EXOC3: variants seen among roughly 807,000 people sequenced by gnomAD.
EXOC3 encodes the protein exocyst complex component 3, also known as SEC6-like 1.
Under a neutral mutation model 73.7 loss-of-function variants are expected in EXOC3, and 21 were observed. The observed-to-expected ratio is 0.29, with a 90% CI of 0.20 to 0.41. EXOC3 has a LOEUF of 0.41. Ranked by LOEUF, EXOC3 falls within the 10% of genes least tolerant of loss-of-function variation. The pLI is 1.00. For missense variants in EXOC3, 842 were observed against 985.1 expected (o/e 0.85, Z 1.95); for synonymous variants, 410 against 389.1 (o/e 1.05, Z -0.63).
At chr5:460,444 C>G (rs1737950437) in intron 7 of EXOC3, among the ~76,000 whole-genome samples, 2 of 152,346 alleles carry the variant, frequency 1.3e-5, no homozygotes, top group South Asian at 4.1e-4. Context: ...TAGGTCCTGT[C>G]CTGGTGGCTT....
rs980838661 is a variant in EXOC3, at chr5:466,773, C to T, written c.2113C>T (p.Arg705Cys). Residue 705 changes from arginine to cysteine, a missense_variant, in exon 13 of 13, where the codon CGT becomes TGT. By Grantham distance (180) the Arg-to-Cys change is radical. Transcript: ENST00000512944. Reference protein sequence around the residue: ...ALLAVRGDASRDMKQTIMETL... With the variant: ...ALLAVRGDASCDMKQTIMETL... ...GCTGGCTGTGCGTGGGGACGCCAGC[C>T]GTGACATGAAGCAGACCATCATGGA... 1.9e-6 allele frequency: 3 copies of T among 1,613,146 alleles called. No individual in the cohort carries two copies. Among genetic ancestry groups the T allele is most frequent in the African/African-American group, 1.3e-5 (1 of 74,904 alleles).
In EXOC3 at chr5:453,762, G is replaced by C. The variant is rs2126578074; in HGVS notation, c.757G>C (p.Glu253Gln). The change falls in exon 4 of 13, where the codon GAG (glutamate) becomes CAG (glutamine). Residue 253 changes from glutamate (E) to glutamine (Q), a missense_variant. Physicochemically the swap from Glu to Gln is conservative, Grantham distance 29. Coordinates refer to ENST00000512944, the MANE Select transcript of EXOC3 (RefSeq NM_007277.5). ...GAAGGAGAAAATGTTCACCATCTTGGAGAGGACTGTGACCACCAGAATTGA... is the reference window on the plus strand; with the variant it reads ...GAAGGAGAAAATGTTCACCATCTTGCAGAGGACTGTGACCACCAGAATTGA... ...NWKEKMFTILERTVTTRIEGT... is the reference protein window; with the variant it reads ...NWKEKMFTILQRTVTTRIEGT... The C allele has an allele frequency of 6.2e-7, 1 of 1,613,964 alleles. No homozygotes were observed. Among genetic ancestry groups the C allele is most frequent in the South Asian group, 1.1e-5 (1 of 91,088 alleles).
chr5:456,329 T>C (rs575294918), intron 4 of EXOC3, among the ~76,000 whole-genome samples: 13 of 152,374 alleles, frequency 8.5e-5, no homozygotes, highest in African/African-American at 3.1e-4. Flanking sequence ...TATTTTTTAT[T>C]GTTGTTTTTC....
At chr5:462,609 T>A in intron 9 of EXOC3, 1 of 376,552 alleles carries the variant, frequency 2.7e-6, no homozygotes, top group South Asian at 4.2e-5. Flanking sequence ...AAAGTCAAAT[T>A]GAGAGTGCAC....
Position 447,527 on chromosome 5 carries a change from C to T in EXOC3, c.145-6C>T, listed in dbSNP as rs567319264. ...CTCTGCTCACCCGTGTGGCGTCTCT[C>T]TTTAGGCCGCCATCCAGTCACAGTT... On this transcript the variant is annotated splice_polypyrimidine_tract_variant and splice_region_variant and intron_variant, in intron 2 of 12. Transcript: ENST00000512944. 4.2e-5 allele frequency: 65 copies of T among 1,548,256 alleles called. No individual in the cohort carries two copies. Among genetic ancestry groups the T allele is most frequent in the Non-Finnish European group, 5.2e-5 (60 of 1,143,232 alleles).
chr5:453,458 C>T lies in EXOC3; in HGVS notation c.453C>T (p.Ser151=), dbSNP rs751595710. The change falls in exon 4 of 13, where the codon TCC becomes TCT. Residue 151 remains serine (S), a synonymous_variant. Transcript: ENST00000512944. ...AHRKLMDLEC[S]RDGLMYEQYR... is the part of the protein sequence containing the mutation. ...GGAAGCTGATGGACCTGGAGTGCTC[C>T]CGGGACGGGCTGATGTACGAGCAGT... 1.6e-5 allele frequency: 26 copies of T among 1,612,706 alleles called. No homozygotes were observed. The highest frequency in any genetic ancestry group is 2.0e-5 in the Non-Finnish European group (24 of 1,179,382).
In EXOC3 at chr5:466,243, G is replaced by A. The variant is rs751114198; in HGVS notation, c.2066+398G>A. ...GTGCAGCTTGGACCAGACACCTTCC[G>A]AGGACGTGATTACAGGGAGTCCCCA... is the stretch of plus-strand genomic sequence containing the variant. On this transcript the variant is annotated intron_variant, in intron 12 of 12. Transcript: ENST00000512944. 24 of 256,174 alleles carry A rather than the reference G, an allele frequency of 9.4e-5. 1 individual carries two copies. The highest frequency in any genetic ancestry group is 6.9e-4 in the South Asian group (12 of 17,458). 15.9% of individuals were successfully genotyped at this position (256,174 alleles called of 1,614,324 possible). A position where few individuals can be genotyped will look rare whatever the true frequency, so the allele number is the denominator to read the frequency against.
In EXOC3 at chr5:457,893, T is replaced by C. The variant is rs944418651; in HGVS notation, c.1165-7T>C. ...TTCTCTTCTCCATGATGCTGAACTT[T>C]CTTTAGTCAAACATCATCGCCTGGC... On this transcript the variant is annotated splice_region_variant and splice_polypyrimidine_tract_variant and intron_variant, in intron 5 of 12. Coordinates refer to ENST00000512944, the MANE Select transcript of EXOC3 (RefSeq NM_007277.5). 3.7e-6 allele frequency: 6 copies of C among 1,601,664 alleles called. No homozygotes were observed. Among genetic ancestry groups the C allele is most frequent in the Non-Finnish European group, 5.1e-6 (6 of 1,173,488 alleles).
chr5:459,221 G>T, intron 6 of EXOC3, 138 bp from the exon 7 acceptor site: 3 of 346,604 alleles, frequency 8.7e-6, no homozygotes, highest in Non-Finnish European at 1.4e-5. Flanking sequence ...TTTTCACGTG[G>T]TTTCATTTTT....
At position 459,362 on chromosome 5, in the gene EXOC3, T is replaced by G; in HGVS notation, c.1294T>G (p.Phe432Val). ...TCATAAGTTCTCTGATTTTTAGATG[T>G]TTGAACAGAATCTTCAAGTTGCTGC... ...TTLPAIVFQM[F>V]EQNLQVAAQI... The change falls in exon 7 of 13, where the codon TTT becomes GTT. Residue 432 changes from phenylalanine (F) to valine (V), a missense_variant. Phe to Val is a conservative substitution (Grantham distance 50). Coordinates refer to ENST00000512944, the MANE Select transcript of EXOC3 (RefSeq NM_007277.5). The G allele has an allele frequency of 6.5e-7, 1 of 1,533,240 alleles. No homozygotes were observed. Among genetic ancestry groups the G allele is most frequent in the Non-Finnish European group, 8.9e-7 (1 of 1,125,542 alleles). The allele number at this position is 1,533,240 out of a possible 1,614,324, so 95.0% of individuals were successfully genotyped here. A position where few individuals can be genotyped will look rare whatever the true frequency, so the allele number is the denominator to read the frequency against.
At chr5:445,908 A>G (rs1432896417) in intron 1 of EXOC3, among the ~76,000 whole-genome samples, 2 of 152,128 alleles carry the variant, frequency 1.3e-5, no homozygotes, top group African/African-American at 2.4e-5. Context: ...AATCTTCGCA[A>G]TGTCCATGTC....
At chr5:446,501 C>T (rs1048406408) in intron 2 of EXOC3, among the ~76,000 whole-genome samples, 152 bp downstream of exon 2, 3 of 152,176 alleles carry the variant, frequency 2.0e-5, no homozygotes, top group African/African-American at 7.2e-5. Flanking sequence ...CAGTGTATTA[C>T]CACTCAGTAG....
chr5:465,370 G>T lies in EXOC3; in HGVS notation c.1938+98G>T. ...TCGGGCCAGTAGATGGGAGTGTGTC[G>T]TGTGTTTGTCAGGCGGGGGGAGCCT... is the stretch of plus-strand genomic sequence containing the variant. On this transcript the variant is annotated intron_variant, in intron 11 of 12. Transcript: ENST00000512944. 2.2e-6 allele frequency: 3 copies of T among 1,366,880 alleles called. No individual in the cohort carries two copies. In the Admixed American group the frequency reaches 6.8e-5, roughly 31 times the overall value. The allele number at this position is 1,366,880 out of a possible 1,614,324, so 84.7% of individuals were successfully genotyped here.
rs377267756 is a variant in EXOC3, at chr5:466,956, G to T, written c.*58G>T. On this transcript the variant is annotated 3_prime_UTR_variant, in exon 13 of 13. Transcript: ENST00000512944. ...AGCCTCGGTCCCTGCCTTTAGAAAC[G>T]CGGGACAGCTGATTGCTCTCCTTGG... 4 of 1,485,392 alleles carry T rather than the reference G, an allele frequency of 2.7e-6. No homozygotes were observed. Among genetic ancestry groups the T allele is most frequent in the South Asian group, 1.3e-5 (1 of 79,756 alleles). The allele number at this position is 1,485,392 out of a possible 1,614,324, so 92.0% of individuals were successfully genotyped here.
intron 3 of EXOC3, among the ~76,000 whole-genome samples, chr5:451,701 A>G (rs1737663600): frequency 6.6e-6 from 1 of 152,178 alleles, no homozygotes; most frequent in Non-Finnish European, 1.5e-5. Context: ...TTTCTTCTCA[A>G]CCAGTGGGAC....
rs1198219164 is a variant in EXOC3, at chr5:456,927, T to C, written c.1085T>C (p.Val362Ala). Reference sequence around the variant, plus strand: ...AGGAACGTGGAGCTGGCCCCGGAAGTGGATGTCGGCACCCTGGAGCCATTG... The same window carrying C: ...AGGAACGTGGAGCTGGCCCCGGAAGCGGATGTCGGCACCCTGGAGCCATTG... ...MMRNVELAPE[V>A]DVGTLEPLLS... Residue 362 changes from valine (V) to alanine (A), a missense_variant, in exon 5 of 13, where the codon GTG (valine) becomes GCG (alanine). Coordinates refer to ENST00000512944, the MANE Select transcript of EXOC3 (RefSeq NM_007277.5). 2 of 1,614,050 alleles carry C rather than the reference T, an allele frequency of 1.2e-6. No individual in the cohort carries two copies. Among genetic ancestry groups the C allele is most frequent in the Admixed American group, 3.3e-5 (2 of 60,032 alleles).
At chr5:465,012 C>T in intron 10 of EXOC3, 99 bp from the exon 11 acceptor site, 3 of 1,304,028 alleles carry the variant, frequency 2.3e-6, no homozygotes, top group African/African-American at 1.5e-5. Flanking sequence ...GGCTCAGAGC[C>T]TCCGGGGAGC....
intron 7 of EXOC3, 193 bp from the exon 8 acceptor site, chr5:461,765 TTG>T: frequency 1.7e-6 from 1 of 572,698 alleles, no homozygotes; most frequent in Non-Finnish European, 3.1e-6. Context: ...AAGTTATTTT[TTG>T]ATCCATTTAA....
intron 9 of EXOC3, among the ~76,000 whole-genome samples, chr5:463,108 A>C (rs1440133310): frequency 1.3e-5 from 2 of 152,106 alleles, no homozygotes; most frequent in Non-Finnish European, 2.9e-5. Flanking sequence ...CCATTTCAAA[A>C]CAACAACAAC....
Sources: allele counts gnomAD v4.1 joint callset (sites outside exome capture counted in the v4.1 genomes callset), GRCh38; gene constraint gnomAD v4.1.1; transcripts MANE v1.5; gene names NCBI Gene and HGNC (gene_info 2026-07-23, HGNC 2026-07-21).